LYPD6B: variants seen among roughly 807,000 people sequenced by gnomAD.
LYPD6B encodes the protein LY6/PLAUR domain containing 6B.
LYPD6B carries 17 observed loss-of-function variants against 22.8 expected under a neutral mutation model. That is an observed-to-expected ratio of 0.75 (90% confidence interval 0.51 to 1.12). The LOEUF (loss-of-function observed/expected upper bound fraction) is 1.12. Among genes scored for constraint, LYPD6B ranks in the 50% most tolerant of loss-of-function variants. The pLI is 0.00. For synonymous variants in LYPD6B, 106 were observed against 91.6 expected (o/e 1.16, Z -0.90); for missense variants, 221 against 258.3 (o/e 0.86, Z 0.99).
At chr2:149,147,190 C>T (rs909143821) in intron 2 of LYPD6B, among the ~76,000 whole-genome samples, 6 of 152,040 alleles carry the variant, frequency 3.9e-5, no homozygotes, top group Non-Finnish European at 7.4e-5. Context: ...TGTGTGGCCT[C>T]AAACTCTACG....
intron 4 of LYPD6B, chr2:149,206,220 C>CT (rs956314703): frequency 1.2e-4 from 27 of 228,098 alleles, no homozygotes; most frequent in Non-Finnish European, 6.5e-5. Flanking sequence ...ATATTTATAT[C>CT]TTTTTTCTCT....
Position 149,128,774 on chromosome 2 carries a change from A to G in LYPD6B, c.-66-2109A>G, listed in dbSNP as rs998036302. Among the ~76,000 whole-genome samples, 3 of 152,356 alleles carry G rather than the reference A, an allele frequency of 2.0e-5. No homozygotes were observed. In the East Asian group the frequency reaches 5.8e-4, roughly 29 times the overall value. Reference sequence around the variant, plus strand: ...AAAATAGCAACAGGATGCATTGTAGAATGTTATGCATCTGTTCATTGCTCA... The same window carrying G: ...AAAATAGCAACAGGATGCATTGTAGGATGTTATGCATCTGTTCATTGCTCA... On this transcript the variant is annotated intron_variant, in intron 1 of 6. Coordinates refer to ENST00000409642, the MANE Select transcript of LYPD6B (RefSeq NM_177964.5).
chr2:149,041,828 C>T (rs1319195139), intron 1 of LYPD6B, among the ~76,000 whole-genome samples: 1 of 152,148 alleles, frequency 6.6e-6, no homozygotes, highest in East Asian at 1.9e-4. Context: ...AAATCTTGGT[C>T]CAATTCCTCA....
At chr2:149,207,679 T>A (rs1693586857) in intron 4 of LYPD6B, among the ~76,000 whole-genome samples, 1 of 152,140 alleles carries the variant, frequency 6.6e-6, no homozygotes, top group Non-Finnish European at 1.5e-5. Context: ...TCTAATGTTG[T>A]GATAATTGAC....
intron 3 of LYPD6B, among the ~76,000 whole-genome samples, chr2:149,192,588 C>T (rs1372172332): frequency 1.3e-5 from 2 of 152,052 alleles, no homozygotes; most frequent in African/African-American, 4.8e-5. Context: ...ACCCTTGGCA[C>T]AGCTTGTAAC....
At chr2:149,209,833 G>A (rs1559081405) in intron 5 of LYPD6B, among the ~76,000 whole-genome samples, 1 of 152,128 alleles carries the variant, frequency 6.6e-6, no homozygotes, top group South Asian at 2.1e-4. Context: ...TTTCTGTCAA[G>A]GGATCATCCT....
chr2:149,115,980 T>C (rs980659023), intron 1 of LYPD6B, among the ~76,000 whole-genome samples: 2 of 152,250 alleles, frequency 1.3e-5, no homozygotes, highest in Non-Finnish European at 2.9e-5. Context: ...ATCTTGGTTA[T>C]CAGATCTACT....
intron 1 of LYPD6B, among the ~76,000 whole-genome samples, chr2:149,126,896 A>G (rs1019151741): frequency 4.1e-5 from 6 of 147,860 alleles, no homozygotes; most frequent in Admixed American, 2.7e-4. Flanking sequence ...AATAATTTCC[A>G]TATCTTTATC....
At chr2:149,056,765 G>A (rs544253821) in intron 1 of LYPD6B, among the ~76,000 whole-genome samples, 7 of 152,194 alleles carry the variant, frequency 4.6e-5, no homozygotes, top group South Asian at 4.2e-4. Context: ...CCAGCCATGC[G>A]TTCATCTTCA....
In LYPD6B at chr2:149,098,643, A is replaced by AAAAAAAAAAAAAAGAAAG. The variant is rs57783804; in HGVS notation, c.-66-32234_-66-32233insAAAAAAAGAAAGAAAAAA. On this transcript the variant is annotated intron_variant, in intron 1 of 6. Coordinates refer to ENST00000409642, the MANE Select transcript of LYPD6B (RefSeq NM_177964.5). ...ACTCTGTCTCAAAAAAAAAAAAAAA[A>AAAAAAAAAAAAAAGAAAG]AAAAAAGAAAAAAATGGCTTTGGTT... is the stretch of plus-strand genomic sequence containing the variant. Among the ~76,000 whole-genome samples the AAAAAAAAAAAAAAGAAAG allele has an allele frequency of 3.1e-3, 403 of 130,790 alleles. 6 individuals carry two copies. The highest frequency in any genetic ancestry group is 4.6e-3 in the Non-Finnish European group (291 of 63,396). The allele number at this position is 130,790 out of a possible 152,430, so 85.8% of individuals were successfully genotyped here. A position where few individuals can be genotyped will look rare whatever the true frequency, so the allele number is the denominator to read the frequency against.
intron 1 of LYPD6B, among the ~76,000 whole-genome samples, chr2:149,116,781 A>G (rs192333933): frequency 6.6e-6 from 1 of 152,330 alleles, no homozygotes; most frequent in Admixed American, 6.5e-5. Context: ...TGTGGCTGCT[A>G]CCAGTGATTT....
At chr2:149,185,109 C>T (rs938215904) in intron 3 of LYPD6B, among the ~76,000 whole-genome samples, 2 of 152,208 alleles carry the variant, frequency 1.3e-5, no homozygotes, top group African/African-American at 2.4e-5. Flanking sequence ...GGCATCTCCT[C>T]CTATACACAT....
chr2:149,165,622 A>AAATCTTAT (rs1187831202), intron 3 of LYPD6B, among the ~76,000 whole-genome samples: 51 of 152,298 alleles, frequency 3.3e-4, no homozygotes, highest in African/African-American at 1.1e-3. Context: ...GGTCATTACA[A>AAATCTTAT]AATCTTATGA....
At chr2:149,091,098 G>A (rs1244408070) in intron 1 of LYPD6B, among the ~76,000 whole-genome samples, 1 of 152,084 alleles carries the variant, frequency 6.6e-6, no homozygotes, top group Non-Finnish European at 1.5e-5. Context: ...GAATGCAGTA[G>A]CATTAGCTTT....
intron 2 of LYPD6B, 126 bp downstream of exon 2, chr2:149,131,079 C>A: frequency 2.9e-6 from 2 of 700,896 alleles, no homozygotes; most frequent in East Asian, 2.6e-5. Flanking sequence ...TTTCATTAAT[C>A]TCAGGGATTA....
At chr2:149,110,759 CAAAT>C (rs1184976917) in intron 1 of LYPD6B, among the ~76,000 whole-genome samples, 2 of 152,006 alleles carry the variant, frequency 1.3e-5, no homozygotes, top group Non-Finnish European at 2.9e-5. Flanking sequence ...TATAGAATAG[CAAAT>C]AAAGCAAAAT....
intron 1 of LYPD6B, among the ~76,000 whole-genome samples, chr2:149,069,207 G>A (rs572844362): frequency 6.7e-6 from 1 of 150,050 alleles, no homozygotes; most frequent in South Asian, 2.1e-4. Flanking sequence ...GAACTTGATG[G>A]AGGCAGAATT....
intron 1 of LYPD6B, among the ~76,000 whole-genome samples, chr2:149,102,816 G>A (rs1686277700): frequency 6.6e-6 from 1 of 152,068 alleles, no homozygotes; most frequent in African/African-American, 2.4e-5. Context: ...TTGTTTTGTA[G>A]AGACAGGGTT....
At chr2:149,134,897 C>CAATATTTTAAA (rs1276093044) in intron 2 of LYPD6B, among the ~76,000 whole-genome samples, 1 of 152,100 alleles carries the variant, frequency 6.6e-6, no homozygotes, top group Non-Finnish European at 1.5e-5. Flanking sequence ...ATTTTAAAAC[C>CAATATTTTAAA]AAAGTTATCT....
Sources: allele counts gnomAD v4.1 joint callset (sites outside exome capture counted in the v4.1 genomes callset), GRCh38; gene constraint gnomAD v4.1.1; transcripts MANE v1.5; gene names NCBI Gene and HGNC (gene_info 2026-07-23, HGNC 2026-07-21).